PTPRT: variants seen among roughly 807,000 people sequenced by gnomAD.
The protein encoded by PTPRT is receptor-type tyrosine-protein phosphatase T.
In PTPRT, 56 loss-of-function variants were observed where a neutral mutation model predicts 176.8. The observed-to-expected ratio is 0.32, with a 90% CI of 0.26 to 0.40. The LOEUF is 0.40. Ranked by LOEUF, PTPRT falls within the 10% of genes least tolerant of loss-of-function variation. The probability of loss-of-function intolerance (pLI) is 1.00; values close to 1 mark genes in which losing one functional copy is unlikely to be tolerated. For synonymous variants in PTPRT, 783 were observed against 739.0 expected, an observed-to-expected ratio of 1.06 and a Z score of -0.96; for missense variants, 1,540 against 1,908.2, an observed-to-expected ratio of 0.81 and a Z score of 3.60.
intron 7 of PTPRT, among the ~76,000 whole-genome samples, chr20:42,506,649 A>G (rs2071850179): frequency 2.0e-5 from 3 of 152,154 alleles, no homozygotes; most frequent in African/African-American, 7.2e-5. Context: ...AAAAATGAGA[A>G]TATCTTTCAG....
At position 42,930,801 on chromosome 20, in the gene PTPRT, C is replaced by G. The variant is rs1337678692; in HGVS notation, c.89-44869G>C. Reference sequence around the variant, plus strand: ...AGACCCTCATACATAATTCTTGCGACTTTCCCTCTCTATTATGAAACAAAA... The same window carrying G: ...AGACCCTCATACATAATTCTTGCGAGTTTCCCTCTCTATTATGAAACAAAA... On this transcript the variant is annotated intron_variant, in intron 1 of 30. Transcript: ENST00000373187. Among the ~76,000 whole-genome samples, 4 of 152,156 alleles carry G rather than the reference C, an allele frequency of 2.6e-5. No individual in the cohort carries two copies. In the East Asian group the frequency reaches 7.7e-4, roughly 29 times the overall value.
intron 6 of PTPRT, among the ~76,000 whole-genome samples, chr20:42,700,794 G>A (rs2075963280): frequency 6.6e-6 from 1 of 152,126 alleles, no homozygotes; most frequent in South Asian, 2.1e-4. Context: ...GGTCTCTGAG[G>A]CCATTTCCAC....
intron 7 of PTPRT, among the ~76,000 whole-genome samples, chr20:42,526,956 C>CTTTTTTTTT (rs915511549): frequency 1.2e-3 from 92 of 78,712 alleles, no homozygotes; most frequent in South Asian, 2.3e-3. Context: ...GTTCTTTTTT[C>CTTTTTTTTT]TTTTTTTTTT....
chr20:42,982,875 C>T (rs967208978), intron 1 of PTPRT, among the ~76,000 whole-genome samples: 16 of 152,322 alleles, frequency 1.1e-4, no homozygotes, highest in Admixed American at 8.5e-4. Context: ...CCAGGCACTG[C>T]GTGAACTTTC....
chr20:42,810,836 C>A (rs1267135859), intron 2 of PTPRT, among the ~76,000 whole-genome samples: 2 of 152,232 alleles, frequency 1.3e-5, no homozygotes, highest in Non-Finnish European at 2.9e-5. Context: ...CTGCCTCTCC[C>A]CTTTGCCCGT....
intron 11 of PTPRT, among the ~76,000 whole-genome samples, chr20:42,342,971 A>T (rs914352632): frequency 6.6e-6 from 1 of 152,198 alleles, no homozygotes; most frequent in Admixed American, 6.5e-5. Context: ...CAGGAGGTGA[A>T]GAGAACTTGC....
chr20:42,529,347 G>A (rs1350480953), intron 7 of PTPRT, among the ~76,000 whole-genome samples: 1 of 152,142 alleles, frequency 6.6e-6, no homozygotes, highest in Admixed American at 6.5e-5. Context: ...CTAATGAGCC[G>A]GGTTTGACAC....
At position 43,189,728 on chromosome 20, in the gene PTPRT, C is replaced by G; in HGVS notation, c.6G>C (p.Ala2=). Residue 2 remains alanine (A), a synonymous_variant, in exon 1 of 31, where the codon GCG becomes GCC. Transcript: ENST00000373187. This position sits in a 1 kb window ranked among gnomAD's most constrained non-coding sequence, Gnocchi z 5.0. The stretch of plus-strand genomic sequence containing the variant: ...GGCTGAGGGCGAGCGCGGCGAGGCT[C>G]GCCATCCGGGCGGCGGCGGGCAGCT... M[A]SLAALALSLL... The G allele has an allele frequency of 8.0e-7, 1 of 1,249,528 alleles. No homozygotes were observed. Among genetic ancestry groups the G allele is most frequent in the Non-Finnish European group, 1.0e-6 (1 of 998,820 alleles). 77.4% of individuals were successfully genotyped at this position (1,249,528 alleles called of 1,614,324 possible). A position where few individuals can be genotyped will look rare whatever the true frequency, so the allele number is the denominator to read the frequency against.
intron 7 of PTPRT, among the ~76,000 whole-genome samples, chr20:42,530,445 T>C (rs1286902965): frequency 6.6e-6 from 1 of 152,022 alleles, no homozygotes; most frequent in African/African-American, 2.4e-5. Context: ...GTGTTAAGTG[T>C]TGGGGGAGGT....
chr20:42,832,429 G>C (rs1281916271), intron 2 of PTPRT, among the ~76,000 whole-genome samples: 1 of 151,874 alleles, frequency 6.6e-6, no homozygotes, highest in African/African-American at 2.4e-5. Flanking sequence ...TAGGACCTGG[G>C]TAACAAAATA....
At chr20:42,451,866 C>T (rs1182236823) in intron 8 of PTPRT, among the ~76,000 whole-genome samples, 1 of 152,084 alleles carries the variant, frequency 6.6e-6, no homozygotes, top group Non-Finnish European at 1.5e-5. Flanking sequence ...GTAAACAATG[C>T]TGGCTGTGAA....
intron 12 of PTPRT, among the ~76,000 whole-genome samples, chr20:42,296,244 G>C (rs79030525): frequency 2.0e-5 from 3 of 152,096 alleles, no homozygotes; most frequent in Non-Finnish European, 4.4e-5. Context: ...TCAGGAGTTC[G>C]AGACCAGCCC....
chr20:42,596,961 T>C (rs66568688), intron 7 of PTPRT, among the ~76,000 whole-genome samples: 1 of 152,042 alleles, frequency 6.6e-6, no homozygotes, highest in African/African-American at 2.4e-5. Flanking sequence ...AACTATAAAT[T>C]TAGTGGCTTA....
chr20:42,899,489 CA>C (rs2079363295), intron 1 of PTPRT, among the ~76,000 whole-genome samples: 1 of 152,230 alleles, frequency 6.6e-6, no homozygotes, highest in Non-Finnish European at 1.5e-5. Context: ...CATCAAAAAT[CA>C]AATGCAAAAC....
At chr20:42,500,680 A>G (rs1353034765) in intron 7 of PTPRT, among the ~76,000 whole-genome samples, 1 of 152,128 alleles carries the variant, frequency 6.6e-6, no homozygotes, top group Non-Finnish European at 1.5e-5. Flanking sequence ...TTTTCAAGGC[A>G]ATGTTTTCAT....
chr20:42,148,578 T>C (rs900905321), intron 17 of PTPRT, among the ~76,000 whole-genome samples: 1 of 151,994 alleles, frequency 6.6e-6, no homozygotes, highest in Non-Finnish European at 1.5e-5. Context: ...TGGGGAGAAC[T>C]CTGAAAAGGG....
At chr20:42,782,948 G>A (rs946938077) in intron 3 of PTPRT, among the ~76,000 whole-genome samples, 16 of 152,210 alleles carry the variant, frequency 1.1e-4, no homozygotes, top group Non-Finnish European at 1.6e-4. Flanking sequence ...ACTACTAATC[G>A]TATAGGAAAA....
the PTPRT span, among the ~76,000 whole-genome samples, chr20:42,039,703 G>T: frequency 0.32 from 35,667 of 112,388 alleles, 7,651 homozygotes; most frequent in Non-Finnish European, 0.42. Context: ...TATATATATA[G>T]TAATGTATAT....
At chr20:43,125,457 A>G (rs2013405491) in intron 1 of PTPRT, among the ~76,000 whole-genome samples, 1 of 152,168 alleles carries the variant, frequency 6.6e-6, no homozygotes, top group Admixed American at 6.5e-5. Flanking sequence ...CCCCCCATGT[A>G]AGAGACTCTC....
Sources: allele counts gnomAD v4.1 joint callset (sites outside exome capture counted in the v4.1 genomes callset), GRCh38; gene constraint gnomAD v4.1.1; non-coding constraint Gnocchi (gnomAD v3.1); transcripts MANE v1.5; gene names NCBI Gene and HGNC (gene_info 2026-07-23, HGNC 2026-07-21).